MERTK: variants seen among roughly 807,000 people sequenced by gnomAD.
MERTK encodes tyrosine-protein kinase Mer.
Under a neutral mutation model 99.3 loss-of-function variants are expected in MERTK, and 69 were observed. The observed-to-expected ratio is 0.70, with a 90% CI of 0.57 to 0.85. The LOEUF is 0.85. Ranked by LOEUF, MERTK falls within the 40% of genes least tolerant of loss-of-function variation. The pLI is 0.00. For missense variants in MERTK, 1,125 were observed against 1,249.4 expected (o/e 0.90, Z 1.50); for synonymous variants, 426 against 467.6 (o/e 0.91, Z 1.15).
intron 1 of MERTK, among the ~76,000 whole-genome samples, chr2:111,905,146 G>C (rs1050692082): frequency 4.6e-5 from 7 of 152,196 alleles, no homozygotes; most frequent in Admixed American, 1.3e-4. Context: ...ACTTTTCTCT[G>C]TCTGAACCAT....
chr2:111,994,351 G>A lies in MERTK; in HGVS notation c.1397G>A (p.Arg466Lys), dbSNP rs7604639. Residue 466 changes from arginine to lysine, a missense_variant, in exon 9 of 19, where the codon AGA (arginine) becomes AAA (lysine). Physicochemically the swap from Arg to Lys is conservative, Grantham distance 26. Coordinates refer to ENST00000295408, the MANE Select transcript of MERTK (RefSeq NM_006343.3). ...TCTVRIAAVT[R>K]GGVGPFSDPV... ...ACAGTGAGGATTGCAGCCGTCACCAGAGGGGGAGTTGGGCCCTTCAGTGAT... is the reference window on the plus strand; with the variant it reads ...ACAGTGAGGATTGCAGCCGTCACCAAAGGGGGAGTTGGGCCCTTCAGTGAT... 988,789 of 1,613,772 alleles carry A rather than the reference G, an allele frequency of 0.61. 307,002 individuals carry two copies. The highest frequency in any genetic ancestry group is 0.66 in the African/African-American group (49,292 of 74,930).
chr2:111,916,972 T>A (rs565031864), intron 1 of MERTK, among the ~76,000 whole-genome samples: 1 of 152,224 alleles, frequency 6.6e-6, no homozygotes, highest in African/African-American at 2.4e-5. Flanking sequence ...CAGTTCCGGC[T>A]CCCCACCAGG....
chr2:111,945,114 G>T, intron 3 of MERTK, 54 bp downstream of exon 3: 1 of 1,372,336 alleles, frequency 7.3e-7, no homozygotes, highest in Admixed American at 1.7e-5. Context: ...TTTAGGGCCT[G>T]TGTTAAATGT....
At chr2:111,979,698 C>T (rs1322499200) in intron 7 of MERTK, among the ~76,000 whole-genome samples, 1 of 151,954 alleles carries the variant, frequency 6.6e-6, no homozygotes, top group Non-Finnish European at 1.5e-5. Flanking sequence ...ATTTATCTTC[C>T]AATTCTTCTA....
In MERTK at chr2:112,022,706, C is replaced by G. The variant is rs182463604; in HGVS notation, c.2486+312C>G. The G allele has an allele frequency of 8.0e-4, 424 of 529,590 alleles. 3 individuals are homozygous for G. The highest frequency in any genetic ancestry group is 7.1e-3 in the African/African-American group (380 of 53,324). 32.8% of individuals were successfully genotyped at this position (529,590 alleles called of 1,614,324 possible). A position where few individuals can be genotyped will look rare whatever the true frequency, so the allele number is the denominator to read the frequency against. ...CCTTACACACCTCTAGGAAATATAT[C>G]CACAGATAATAGCTTCGCCTTGTAG... On this transcript the variant is annotated intron_variant, in intron 18 of 18. Transcript: ENST00000295408.
At position 112,029,423 on chromosome 2, in the gene MERTK, G is replaced by T; in HGVS notation, c.*559G>T. On this transcript the variant is annotated 3_prime_UTR_variant, in exon 19 of 19. Coordinates refer to ENST00000295408, the MANE Select transcript of MERTK (RefSeq NM_006343.3). ...GACAGTGGTCGGCAGCGGCCTTGTG[G>T]CCTTTGCAAAGGAATTCCCTTAATG... is the stretch of plus-strand genomic sequence containing the variant. The T allele has an allele frequency of 2.4e-6, 2 of 825,898 alleles. No individual in the cohort carries two copies. Among genetic ancestry groups the T allele is most frequent in the Non-Finnish European group, 1.5e-6 (1 of 684,278 alleles). The allele number at this position is 825,898 out of a possible 1,614,324, so 51.2% of individuals were successfully genotyped here.
chr2:111,948,484 C>G lies in MERTK; in HGVS notation c.757+917C>G, dbSNP rs192794166. ...AGACCCCTCTCCTGAGTTGCAGGCT[C>G]ATGTATCCAACCGCCTCCTTGGCAT... On this transcript the variant is annotated intron_variant, in intron 4 of 18. Transcript: ENST00000295408. Among the ~76,000 whole-genome samples, 107 of 152,320 alleles carry G rather than the reference C, an allele frequency of 7.0e-4. 1 individual carries two copies. The Middle Eastern group carries it at 0.017, about 24-fold the overall frequency.
intron 15 of MERTK, chr2:112,013,278 G>C (rs2104416139): frequency 6.5e-6 from 1 of 154,220 alleles, no homozygotes; most frequent in Non-Finnish European, 1.5e-5. Context: ...GAGGGGCCTA[G>C]TCCTACACAG....
intron 4 of MERTK, among the ~76,000 whole-genome samples, chr2:111,957,537 T>C (rs1336736904): frequency 6.6e-6 from 1 of 152,180 alleles, no homozygotes; most frequent in African/African-American, 2.4e-5. Context: ...CTTCTGTTTT[T>C]CCATAGTACT....
At chr2:111,935,853 T>G (rs1684756679) in intron 2 of MERTK, among the ~76,000 whole-genome samples, 1 of 152,162 alleles carries the variant, frequency 6.6e-6, no homozygotes, top group Non-Finnish European at 1.5e-5. Context: ...CATAGATGAT[T>G]ATATATCCTG....
intron 1 of MERTK, among the ~76,000 whole-genome samples, chr2:111,908,107 A>G (rs1295432530): frequency 2.6e-5 from 4 of 152,150 alleles, no homozygotes; most frequent in African/African-American, 9.7e-5. Context: ...GAACCTGGCC[A>G]TTGAGGGTAG....
intron 4 of MERTK, among the ~76,000 whole-genome samples, chr2:111,949,777 A>G (rs928374011): frequency 1.3e-5 from 2 of 152,126 alleles, no homozygotes; most frequent in African/African-American, 2.4e-5. Context: ...TTCTGTTCTT[A>G]TATCTGTCAT....
chr2:111,898,817 G>A (rs1279927635), intron 1 of MERTK, 21 bp downstream of exon 1: 1 of 1,574,828 alleles, frequency 6.3e-7, no homozygotes, highest in Non-Finnish European at 8.6e-7. Flanking sequence ...CCGGCTGGGG[G>A]CCAGGCGAGG....
chr2:111,910,957 T>G (rs978074246), intron 1 of MERTK, among the ~76,000 whole-genome samples: 2 of 152,202 alleles, frequency 1.3e-5, no homozygotes, highest in African/African-American at 4.8e-5. Context: ...AACAGTAATG[T>G]GTAATGTGCT....
chr2:111,918,369 G>A (rs1206560945), intron 1 of MERTK, among the ~76,000 whole-genome samples: 2 of 152,208 alleles, frequency 1.3e-5, no homozygotes, highest in Admixed American at 1.3e-4. Context: ...TTACGTACTG[G>A]TAGGCTGGAG....
intron 15 of MERTK, chr2:112,013,693 A>G (rs945525593): frequency 9.1e-5 from 14 of 153,414 alleles, no homozygotes; most frequent in Admixed American, 2.6e-4. Context: ...TGAGCCTTCA[A>G]TGCTCTTCTG....
At chr2:111,904,951 C>T (rs761532661) in intron 1 of MERTK, among the ~76,000 whole-genome samples, 1 of 152,182 alleles carries the variant, frequency 6.6e-6, no homozygotes, top group African/African-American at 2.4e-5. Flanking sequence ...TTGGCTAACC[C>T]GTGACCGGAG....
intron 1 of MERTK, among the ~76,000 whole-genome samples, chr2:111,902,781 CCTTCCTT>C (rs1684068522): frequency 1.2e-5 from 1 of 84,144 alleles, no homozygotes; most frequent in Non-Finnish European, 2.3e-5. Context: ...TTCCTTCCTT[CCTTCCTT>C]CCTCCCTCCC....
At chr2:111,990,069 C>T (rs901812346) in intron 8 of MERTK, among the ~76,000 whole-genome samples, 3 of 152,166 alleles carry the variant, frequency 2.0e-5, no homozygotes, top group African/African-American at 7.2e-5. Flanking sequence ...AGAGATAATA[C>T]ACATGGGGTA....
Sources: gnomAD v4.1 joint callset for allele counts (sites outside exome capture counted in the v4.1 genomes callset) on GRCh38, gnomAD v4.1.1 for gene constraint, MANE v1.5 for transcripts, NCBI Gene and HGNC (gene_info 2026-07-23, HGNC 2026-07-21) for gene names.